Variants in RAB26 observed in about 807,000 individuals in gnomAD.
The protein encoded by RAB26 is RAB26, member RAS oncogene family, also known as ras-related protein Rab-26.
RAB26 carries 39 observed loss-of-function variants against 33.1 expected under a neutral mutation model. The observed-to-expected ratio is 1.18, with a 90% CI of 0.91 to 1.54. The LOEUF (loss-of-function observed/expected upper bound fraction) is 1.54, where lower values mean the gene tolerates loss of function less well. RAB26 is among the 40% of genes most tolerant of loss of function. RAB26 has a pLI of 0.00. For synonymous variants in RAB26, 192 were observed against 151.9 expected (o/e 1.26, Z -1.94); for missense variants, 468 against 362.9 (o/e 1.29, Z -2.35).
At position 2,150,413 on chromosome 16, in the gene RAB26, G is replaced by T. The variant is rs560913017; in HGVS notation, c.306+362G>T. 1.6e-4 allele frequency among the ~76,000 whole-genome samples: 24 copies of T among 152,312 alleles called. No individual in the cohort carries two copies. In the South Asian group the frequency reaches 4.1e-3, roughly 26 times the overall value. ...ATGCTCCCTGCAGAGCCTGAGCGAGGGTTTCCAGGGCTTGCCTAGGGGAGA... is the reference window on the plus strand; with the variant it reads ...ATGCTCCCTGCAGAGCCTGAGCGAGTGTTTCCAGGGCTTGCCTAGGGGAGA... On this transcript the variant is annotated intron_variant, in intron 2 of 8. Transcript: ENST00000210187.
rs758302457 is a variant in RAB26 at position 2,153,472 on chromosome 16, T to C, written c.*51T>C. The C allele has an allele frequency of 6.4e-7, 1 of 1,554,144 alleles. No homozygotes were observed. Among genetic ancestry groups the C allele is most frequent in the African/African-American group, 1.4e-5 (1 of 73,634 alleles). On this transcript the variant is annotated 3_prime_UTR_variant, in exon 9 of 9. Transcript: ENST00000210187. Reference sequence around the variant, plus strand: ...GGAAGCCGTCCAGTCCCTAGAAGGCTGGACAGAGGGTCTCCAGGCCCTTCT... The same window carrying C: ...GGAAGCCGTCCAGTCCCTAGAAGGCCGGACAGAGGGTCTCCAGGCCCTTCT...
intron 4 of RAB26, 38 bp downstream of exon 4, chr16:2,151,799 T>C: frequency 6.2e-7 from 1 of 1,613,592 alleles, no homozygotes; most frequent in South Asian, 1.1e-5. Flanking sequence ...GGGGCGGGGG[T>C]CTGAGCACCT....
rs2092994514 is a variant in RAB26, at chr16:2,148,764, A to G, written c.-20A>G. 7.7e-7 allele frequency: 1 copy of G among 1,299,026 alleles called. No homozygotes were observed. Among genetic ancestry groups the G allele is most frequent in the Non-Finnish European group, 9.7e-7 (1 of 1,028,662 alleles). The allele number at this position is 1,299,026 out of a possible 1,614,324, so 80.5% of individuals were successfully genotyped here. A position where few individuals can be genotyped will look rare whatever the true frequency, so the allele number is the denominator to read the frequency against. ...AGGGCACGGCGGCTGCAGCGGGAGC[A>G]CACTGAGCGCCCGCCCGCCATGTCC... On this transcript the variant is annotated 5_prime_UTR_variant, in exon 1 of 9. Transcript: ENST00000210187.
At position 2,148,630 on chromosome 16, in the gene RAB26, A is replaced by T; in HGVS notation, c.-154A>T. 2 of 377,416 alleles carry T rather than the reference A, an allele frequency of 5.3e-6. No individual in the cohort carries two copies. Among genetic ancestry groups the T allele is most frequent in the Non-Finnish European group, 7.1e-6 (2 of 282,138 alleles). 23.4% of individuals were successfully genotyped at this position (377,416 alleles called of 1,614,324 possible). A position where few individuals can be genotyped will look rare whatever the true frequency, so the allele number is the denominator to read the frequency against. On this transcript the variant is annotated 5_prime_UTR_variant, in exon 1 of 9. Coordinates refer to ENST00000210187, the MANE Select transcript of RAB26 (RefSeq NM_014353.5). ...CGTGGAGCGGCGGGGGCGGGGCGCG[A>T]GCCGGGCGCCCGGGATGATGCCGCC...
intron 6 of RAB26, 21 bp from the exon 7 acceptor site, chr16:2,152,968 A>C: frequency 6.3e-7 from 1 of 1,583,872 alleles, no homozygotes; most frequent in Non-Finnish European, 8.6e-7. Flanking sequence ...AGCTTTCACC[A>C]AGACCCTGTG....
rs777496412 is a variant in RAB26 at position 2,153,136 on chromosome 16, C to G, written c.592-10C>G. On this transcript the variant is annotated splice_polypyrimidine_tract_variant and intron_variant, in intron 7 of 8. Coordinates refer to ENST00000210187, the MANE Select transcript of RAB26 (RefSeq NM_014353.5). ...CAGGCCACCACCTGGCTGGCAGCAGCTGTTTACAGGAGTATGGACTGCCCT... is the reference window on the plus strand; with the variant it reads ...CAGGCCACCACCTGGCTGGCAGCAGGTGTTTACAGGAGTATGGACTGCCCT... 6.2e-6 allele frequency: 10 copies of G among 1,613,770 alleles called. 1 individual carries two copies. The highest frequency in any genetic ancestry group is 5.9e-6 in the Non-Finnish European group (7 of 1,180,022).
intron 1 of RAB26, among the ~76,000 whole-genome samples, chr16:2,149,381 G>A (rs934225804): frequency 6.6e-6 from 1 of 150,654 alleles, no homozygotes; most frequent in African/African-American, 2.5e-5. Context: ...CCAGACCAAG[G>A]CAGAGGCTGT....
In RAB26 at chr16:2,153,867, T is replaced by C. The variant is rs911410591; in HGVS notation, c.*446T>C. ...CACTGCTAATCACATCGTGCATCTG[T>C]GTGTCCTGGGAGCTGCCTGCTCCCG... On this transcript the variant is annotated 3_prime_UTR_variant, in exon 9 of 9. Coordinates refer to ENST00000210187, the MANE Select transcript of RAB26 (RefSeq NM_014353.5). 26 of 457,804 alleles carry C rather than the reference T, an allele frequency of 5.7e-5. No homozygotes were observed. Among genetic ancestry groups the C allele is most frequent in the Non-Finnish European group, 1.0e-4 (23 of 228,098 alleles). 28.4% of individuals were successfully genotyped at this position (457,804 alleles called of 1,614,324 possible). A position where few individuals can be genotyped will look rare whatever the true frequency, so the allele number is the denominator to read the frequency against.
intron 2 of RAB26, among the ~76,000 whole-genome samples, chr16:2,150,564 A>T (rs192639529): frequency 6.8e-6 from 1 of 148,028 alleles, no homozygotes; most frequent in Non-Finnish European, 1.5e-5. Context: ...AATTAGAGCC[A>T]GTTAGAGGGA....
Position 2,153,646 on chromosome 16 carries a change from TCTG to T in RAB26, c.*227_*229del. The T allele has an allele frequency of 1.5e-6, 1 of 668,784 alleles. No homozygotes were observed. The highest frequency in any genetic ancestry group is 1.5e-5 in the South Asian group (1 of 65,656). The allele number at this position is 668,784 out of a possible 1,614,324, so 41.4% of individuals were successfully genotyped here. On this transcript the variant is annotated 3_prime_UTR_variant, in exon 9 of 9. Coordinates refer to ENST00000210187, the MANE Select transcript of RAB26 (RefSeq NM_014353.5). The stretch of plus-strand genomic sequence containing the variant: ...ACTGGCCGCCACGGAAAAGCAGTCT[TCTG>T]CACGGGACGGGGAGCGGCAAGTGGA...
intron 1 of RAB26, 78 bp downstream of exon 1, chr16:2,149,056 G>T: frequency 8.1e-7 from 1 of 1,235,788 alleles, no homozygotes; most frequent in South Asian, 3.5e-5. Flanking sequence ...GTCGGACAGG[G>T]GGTGCAGGGC....
At chr16:2,151,787 T>C (rs757045331) in intron 4 of RAB26, 26 bp downstream of exon 4, 1 of 1,613,892 alleles carries the variant, frequency 6.2e-7, no homozygotes, top group Non-Finnish European at 8.5e-7. Context: ...CCTGGGCTGG[T>C]TGGGGCGGGG....
Position 2,153,359 on chromosome 16 carries a change from C to G in RAB26, c.709C>G (p.Arg237Gly). Reference sequence around the variant, plus strand: ...CTCCATGAAGGCTCCCAGCGAGCCGCGCTTCCGGCTGCATGATTACGTTAA... The same window carrying G: ...CTCCATGAAGGCTCCCAGCGAGCCGGGCTTCCGGCTGCATGATTACGTTAA... ...QRSMKAPSEP[R>G]FRLHDYVKRE... Residue 237 changes from arginine to glycine, a missense_variant, in exon 9 of 9, where the codon CGC (arginine) becomes GGC (glycine). Coordinates refer to ENST00000210187, the MANE Select transcript of RAB26 (RefSeq NM_014353.5). 1 of 1,613,556 alleles carries G rather than the reference C, an allele frequency of 6.2e-7. No individual in the cohort carries two copies. Among genetic ancestry groups the G allele is most frequent in the African/African-American group, 1.3e-5 (1 of 75,066 alleles).
At position 2,153,043 on chromosome 16, in the gene RAB26, A is replaced by G. The variant is rs1340066001; in HGVS notation, c.589A>G (p.Lys197Glu). 6.2e-7 allele frequency: 1 copy of G among 1,606,864 alleles called. No homozygotes were observed. Among genetic ancestry groups the G allele is most frequent in the East Asian group, 2.2e-5 (1 of 44,698 alleles). Residue 197 changes from lysine to glutamate, a missense_variant and splice_region_variant, in exon 7 of 9, where the codon AAG becomes GAG. Lys to Glu is a moderately conservative substitution (Grantham distance 56). Transcript: ENST00000210187. ...VKREDGEKLA[K>E]EYGLPFMETS... Reference sequence around the variant, plus strand: ...GAGGGAGGACGGGGAGAAGCTGGCCAAGGTGAGTCAGGGCAGGGGGGTGGT... The same window carrying G: ...GAGGGAGGACGGGGAGAAGCTGGCCGAGGTGAGTCAGGGCAGGGGGGTGGT...
rs764332554 is a variant in RAB26 at position 2,152,990 on chromosome 16, T to A, written c.536T>A (p.Val179Glu). ...ACCAAGACCCTGTGCCTGGGCCAGGTGGACTCTGCCCATGAGCGTGTGGTG... is the reference window on the plus strand; with the variant it reads ...ACCAAGACCCTGTGCCTGGGCCAGGAGGACTCTGCCCATGAGCGTGTGGTG... ...DVALMLLGNK[V>E]DSAHERVVKR... Residue 179 changes from valine (V) to glutamate (E), a missense_variant and splice_region_variant, in exon 7 of 9, where the codon GTG (valine) becomes GAG (glutamate). Coordinates refer to ENST00000210187, the MANE Select transcript of RAB26 (RefSeq NM_014353.5). 6.3e-7 allele frequency: 1 copy of A among 1,586,430 alleles called. No homozygotes were observed. Among genetic ancestry groups the A allele is most frequent in the African/African-American group, 1.3e-5 (1 of 74,428 alleles).
In RAB26 at chr16:2,152,840, C is replaced by CGAGTACGCCCAGCA; in HGVS notation, c.490_503dup (p.His168GlnfsTer25). 1 of 1,607,710 alleles carries CGAGTACGCCCAGCA rather than the reference C, an allele frequency of 6.2e-7. No homozygotes were observed. Reference sequence around the variant, plus strand: ...CACAGGCCTGGCTGACCGAGATCCACGAGTACGCCCAGCACGACGTGGCGC... The same window carrying CGAGTACGCCCAGCA: ...CACAGGCCTGGCTGACCGAGATCCACGAGTACGCCCAGCAGAGTACGCCCAGCACGACGTGGCGC... On this transcript the variant is annotated frameshift_variant, in exon 6 of 9. Coordinates refer to ENST00000210187, the MANE Select transcript of RAB26 (RefSeq NM_014353.5). LOFTEE classifies it high-confidence loss of function.
rs2093010258 is a variant in RAB26, at chr16:2,152,852, G to A, written c.501G>A (p.Gln167=). ...AWLTEIHEYA[Q]HDVALMLLGN... ...TGACCGAGATCCACGAGTACGCCCA[G>A]CACGACGTGGCGCTCATGCTGCTGG... Residue 167 remains glutamine (Q), a synonymous_variant, in exon 6 of 9, where the codon CAG becomes CAA. Transcript: ENST00000210187. The A allele has an allele frequency of 6.2e-6, 10 of 1,608,360 alleles. No individual in the cohort carries two copies. Among genetic ancestry groups the A allele is most frequent in the Non-Finnish European group, 8.5e-6 (10 of 1,177,922 alleles).
At position 2,149,752 on chromosome 16, in the gene RAB26, CAGA is replaced by C. The variant is rs368869318; in HGVS notation, c.196-186_196-184del. 2.4e-4 allele frequency among the ~76,000 whole-genome samples: 36 copies of C among 152,330 alleles called. No individual in the cohort carries two copies. In the East Asian group the frequency reaches 6.2e-3, roughly 26 times the overall value. ...CCCGCTGACTGAGACGGCCACTGTG[CAGA>C]AGGACAGAGCAGCCCCAGCCTTTCA... On this transcript the variant is annotated intron_variant, in intron 1 of 8. Coordinates refer to ENST00000210187, the MANE Select transcript of RAB26 (RefSeq NM_014353.5).
Position 2,154,141 on chromosome 16 carries a change from G to A in RAB26, c.*720G>A, listed in dbSNP as rs1050001057. ...AGTGAATAAAGTTGTGTTTTCTGGA[G>A]CGTCTGTCTCATCTGTTGAAAAAAA... On this transcript the variant is annotated 3_prime_UTR_variant, in exon 9 of 9. Transcript: ENST00000210187. The A allele has an allele frequency of 2.8e-5, 8 of 285,646 alleles. No homozygotes were observed. The highest frequency in any genetic ancestry group is 4.8e-5 in the Admixed American group (1 of 20,910). 17.7% of individuals were successfully genotyped at this position (285,646 alleles called of 1,614,324 possible). A position where few individuals can be genotyped will look rare whatever the true frequency, so the allele number is the denominator to read the frequency against.
Sources: gnomAD v4.1 joint callset for allele counts (sites outside exome capture counted in the v4.1 genomes callset) on GRCh38, gnomAD v4.1.1 for gene constraint, MANE v1.5 for transcripts, NCBI Gene and HGNC (gene_info 2026-07-23, HGNC 2026-07-21) for gene names.